Variants in PLS1 observed in about 807,000 individuals in gnomAD.
PLS1 encodes plastin 1.
Under a neutral mutation model 73.7 loss-of-function variants are expected in PLS1, and 32 were observed. The ratio of observed to expected loss-of-function variants is 0.43; its 90% CI spans 0.33 to 0.58. The LOEUF (loss-of-function observed/expected upper bound fraction) is 0.58. Ranked by LOEUF, PLS1 falls within the 20% of genes least tolerant of loss-of-function variation. The pLI is 0.04. For synonymous variants in PLS1, 217 were observed against 261.3 expected, an observed-to-expected ratio of 0.83 and a Z score of 1.63; for missense variants, 633 against 740.5, an observed-to-expected ratio of 0.85 and a Z score of 1.68.
chr3:142,691,070 CA>C (rs1162669176), intron 10 of PLS1, among the ~76,000 whole-genome samples: 3 of 152,040 alleles, frequency 2.0e-5, no homozygotes, highest in Admixed American at 6.6e-5. Context: ...CCTTCTTTCC[CA>C]GTGAGACAGA....
At chr3:142,684,419 T>C (rs758197339) in intron 8 of PLS1, 24 bp downstream of exon 8, 1 of 1,597,772 alleles carries the variant, frequency 6.3e-7, no homozygotes, top group Non-Finnish European at 8.6e-7. Flanking sequence ...TGTTCAAATT[T>C]GTGACATGAA....
chr3:142,654,265 T>G (rs1375157492), intron 1 of PLS1, among the ~76,000 whole-genome samples: 1 of 152,188 alleles, frequency 6.6e-6, no homozygotes, highest in Non-Finnish European at 1.5e-5. Flanking sequence ...CACAAGAGGA[T>G]CAGAACTTAA....
At chr3:142,633,026 A>G (rs932526378) in intron 1 of PLS1, among the ~76,000 whole-genome samples, 1 of 152,260 alleles carries the variant, frequency 6.6e-6, no homozygotes, top group Non-Finnish European at 1.5e-5. Context: ...TGGTATAGAA[A>G]TACAATGGAA....
rs760489786 is a variant in PLS1, at chr3:142,678,104, CA to C, written c.571del (p.Thr191LeufsTer6). ...AINKKKLTPF[T>X]ISENLNLALN... is the part of the protein sequence containing the mutation. ...TCAATAAGAAAAAGCTCACGCCATT[CA>C]CTATTTCTGTAAGTATTTGCCCTTT... On this transcript the variant is annotated frameshift_variant, in exon 6 of 16. Coordinates refer to ENST00000457734, the MANE Select transcript of PLS1 (RefSeq NM_001145319.2). LOFTEE classifies it high-confidence loss of function. 6.6e-7 allele frequency: 1 copy of C among 1,510,492 alleles called. No homozygotes were observed. The highest frequency in any genetic ancestry group is 9.0e-7 in the Non-Finnish European group (1 of 1,108,528). The allele number at this position is 1,510,492 out of a possible 1,614,324, so 93.6% of individuals were successfully genotyped here. A position where few individuals can be genotyped will look rare whatever the true frequency, so the allele number is the denominator to read the frequency against.
chr3:142,707,961 A>C (rs1362144885), intron 14 of PLS1, among the ~76,000 whole-genome samples: 2 of 152,176 alleles, frequency 1.3e-5, no homozygotes, highest in Admixed American at 1.3e-4. Flanking sequence ...CTGTGTGACC[A>C]TGGGCAAGTT....
chr3:142,703,591 C>T (rs970283159), intron 12 of PLS1, among the ~76,000 whole-genome samples: 2 of 152,152 alleles, frequency 1.3e-5, no homozygotes, highest in South Asian at 2.1e-4. Context: ...CGACCACGCC[C>T]GGCCTGGATA....
At chr3:142,684,558 A>T (rs1306394055) in intron 8 of PLS1, among the ~76,000 whole-genome samples, 163 bp downstream of exon 8, 3 of 152,236 alleles carry the variant, frequency 2.0e-5, no homozygotes, top group Non-Finnish European at 4.4e-5. Flanking sequence ...TATATTCACA[A>T]AATATATATT....
At chr3:142,689,577 A>T in intron 9 of PLS1, 41 bp from the exon 10 acceptor site, 1 of 1,299,090 alleles carries the variant, frequency 7.7e-7, no homozygotes, top group South Asian at 1.7e-5. Context: ...AATTATGCCA[A>T]TTAAAACTTC....
At chr3:142,641,895 A>C (rs2036850387) in intron 1 of PLS1, among the ~76,000 whole-genome samples, 1 of 152,084 alleles carries the variant, frequency 6.6e-6, no homozygotes, top group Non-Finnish European at 1.5e-5. Context: ...ATACCACTTT[A>C]CAGACAGGAC....
rs114228752 is a variant in PLS1, at chr3:142,602,574, C to G, written c.-37+6065C>G. Among the ~76,000 whole-genome samples the G allele has an allele frequency of 8.3e-3, 1,266 of 152,170 alleles. 11 individuals are homozygous for G. The highest frequency in any genetic ancestry group is 0.029 in the African/African-American group (1,211 of 41,478). ...GGTGTGGATACCTCAGGAAAGGCCC[C>G]AGGTCAAAGACAAATAATTTAAAGG... is the stretch of plus-strand genomic sequence containing the variant. On this transcript the variant is annotated intron_variant, in intron 1 of 15. Transcript: ENST00000457734.
chr3:142,636,068 T>C (rs62815761), intron 1 of PLS1, among the ~76,000 whole-genome samples: 2 of 148,092 alleles, frequency 1.4e-5, no homozygotes, highest in South Asian at 2.1e-4. Flanking sequence ...TTTTTTTTTT[T>C]CCTGTGGCAA....
In PLS1 at chr3:142,696,723, T is replaced by TAA. The variant is rs1217596892; in HGVS notation, c.1257-1229_1257-1228dup. ...CTGGACCTCAGTTCTATTTGCAAAA[T>TAA]AATAATAATAATAATAATAATAATA... On this transcript the variant is annotated intron_variant, in intron 11 of 15. Transcript: ENST00000457734. 1.1e-4 allele frequency among the ~76,000 whole-genome samples: 9 copies of TAA among 82,432 alleles called. No homozygotes were observed. In the South Asian group the frequency reaches 2.5e-3, roughly 23 times the overall value. The allele number at this position is 82,432 out of a possible 152,430, so 54.1% of individuals were successfully genotyped here. A position where few individuals can be genotyped will look rare whatever the true frequency, so the allele number is the denominator to read the frequency against.
chr3:142,655,594 C>CGCCT (rs202066793), intron 1 of PLS1, among the ~76,000 whole-genome samples: 2,135 of 151,750 alleles, frequency 0.014, 46 homozygotes, highest in East Asian at 0.073. Flanking sequence ...TGGTGGCGGG[C>CGCCT]GCCTGCAATC....
chr3:142,680,217 C>A (rs1342396607), intron 6 of PLS1, among the ~76,000 whole-genome samples: 1 of 152,190 alleles, frequency 6.6e-6, no homozygotes, highest in African/African-American at 2.4e-5. Flanking sequence ...GCATGTACCA[C>A]TATGCCCTGC....
chr3:142,677,408 G>A (rs1438408384), intron 5 of PLS1, among the ~76,000 whole-genome samples: 1 of 152,176 alleles, frequency 6.6e-6, no homozygotes, highest in East Asian at 1.9e-4. Context: ...CACTTTGAGA[G>A]GCTGAGGCAG....
At chr3:142,696,000 G>A (rs1380931662) in intron 11 of PLS1, among the ~76,000 whole-genome samples, 1 of 152,054 alleles carries the variant, frequency 6.6e-6, no homozygotes, top group South Asian at 2.1e-4. Flanking sequence ...CTCCATGTTG[G>A]TCAGGCTGGA....
intron 14 of PLS1, among the ~76,000 whole-genome samples, chr3:142,706,122 G>A (rs759019986): frequency 6.6e-6 from 1 of 152,014 alleles, no homozygotes; most frequent in African/African-American, 2.4e-5. Flanking sequence ...ATATTTAGGA[G>A]CAAATTAATA....
intron 2 of PLS1, 36 bp downstream of exon 2, chr3:142,664,343 T>A: frequency 9.2e-7 from 1 of 1,083,556 alleles, no homozygotes; most frequent in Middle Eastern, 2.1e-4. Flanking sequence ...ATATTACTGG[T>A]CTGCTTGATG....
In PLS1 at chr3:142,686,270, A is replaced by G. The variant is rs369280989; in HGVS notation, c.889-14A>G. ...ATTCGTTTTAAAAATGCTATTTCAT[A>G]TCTTTCCTTGAAGGACTCGAGAGCC... On this transcript the variant is annotated splice_polypyrimidine_tract_variant and intron_variant, in intron 8 of 15. Coordinates refer to ENST00000457734, the MANE Select transcript of PLS1 (RefSeq NM_001145319.2). 51 of 1,498,966 alleles carry G rather than the reference A, an allele frequency of 3.4e-5. No homozygotes were observed. The highest frequency in any genetic ancestry group is 4.5e-5 in the Non-Finnish European group (49 of 1,078,020). The allele number at this position is 1,498,966 out of a possible 1,614,324, so 92.9% of individuals were successfully genotyped here.
Sources: gnomAD v4.1 joint callset for allele counts (sites outside exome capture counted in the v4.1 genomes callset) on GRCh38, gnomAD v4.1.1 for gene constraint, MANE v1.5 for transcripts, NCBI Gene and HGNC (gene_info 2026-07-23, HGNC 2026-07-21) for gene names.